Variants in WDR7 observed in about 807,000 individuals in gnomAD.
WDR7 encodes WD repeat domain 7.
A neutral mutation model predicts 169.4 loss-of-function variants in WDR7; 46 were observed. The ratio of observed to expected loss-of-function variants is 0.27; its 90% confidence interval spans 0.21 to 0.35. The LOEUF is 0.35. WDR7 is among the 10% of genes least tolerant of loss of function. WDR7 has a pLI of 1.00. For missense variants in WDR7, 1,534 were observed against 1,859.3 expected (o/e 0.83, Z 3.22); for synonymous variants, 612 against 666.8 (o/e 0.92, Z 1.27).
intron 27 of WDR7, among the ~76,000 whole-genome samples, chr18:57,022,921 T>C (rs722092): frequency 0.64 from 97,733 of 152,174 alleles, 31,714 homozygotes; most frequent in East Asian, 0.82. Flanking sequence ...GGGGCTGCAG[T>C]ACATGTCCTT....
chr18:56,677,692 T>C (rs1281443833), intron 2 of WDR7, among the ~76,000 whole-genome samples: 4 of 152,186 alleles, frequency 2.6e-5, no homozygotes, highest in Non-Finnish European at 5.9e-5. Context: ...TTTAGGATTC[T>C]TTCTTAATCC....
At chr18:56,803,307 A>G (rs1300511595) in intron 19 of WDR7, among the ~76,000 whole-genome samples, 1 of 152,162 alleles carries the variant, frequency 6.6e-6, no homozygotes, top group Non-Finnish European at 1.5e-5. Flanking sequence ...CAATATTAAA[A>G]CCAGATTCTT....
intron 20 of WDR7, among the ~76,000 whole-genome samples, chr18:56,871,425 G>C (rs986746918): frequency 2.6e-5 from 4 of 151,944 alleles, no homozygotes; most frequent in Non-Finnish European, 4.4e-5. Flanking sequence ...TGTTTTTCTA[G>C]TCATTTATGT....
intron 26 of WDR7, among the ~76,000 whole-genome samples, chr18:57,017,442 G>GTA (rs2048223243): frequency 7.4e-6 from 1 of 134,926 alleles, no homozygotes; most frequent in African/African-American, 2.7e-5. Flanking sequence ...GTGTGTGTGT[G>GTA]TGCATGTGTG....
At chr18:56,827,334 A>T (rs1466653466) in intron 20 of WDR7, among the ~76,000 whole-genome samples, 6 of 152,208 alleles carry the variant, frequency 3.9e-5, no homozygotes, top group Admixed American at 6.6e-5. Context: ...TGTGGGACAT[A>T]ATCACAATGG....
At chr18:56,809,539 A>G (rs2044833304) in intron 19 of WDR7, among the ~76,000 whole-genome samples, 1 of 152,190 alleles carries the variant, frequency 6.6e-6, no homozygotes, top group Non-Finnish European at 1.5e-5. Context: ...AATATTTATA[A>G]CTTTGATATA....
At chr18:56,744,069 C>G (rs2043662422) in intron 14 of WDR7, among the ~76,000 whole-genome samples, 1 of 151,880 alleles carries the variant, frequency 6.6e-6, no homozygotes, top group South Asian at 2.1e-4. Context: ...GAAACCCCGT[C>G]TCTACTAAAA....
intron 2 of WDR7, among the ~76,000 whole-genome samples, chr18:56,675,256 T>C (rs2025219498): frequency 6.6e-6 from 1 of 152,154 alleles, no homozygotes; most frequent in Non-Finnish European, 1.5e-5. Context: ...AAGAAGTCAG[T>C]TGGAGCTTTA....
chr18:56,742,395 A>G (rs912192679), intron 14 of WDR7, among the ~76,000 whole-genome samples: 6 of 152,218 alleles, frequency 3.9e-5, no homozygotes, highest in Non-Finnish European at 7.3e-5. Context: ...TTATGGCAAA[A>G]TGCTAATAAT....
At chr18:56,696,805 T>C (rs1422618232) in intron 12 of WDR7, among the ~76,000 whole-genome samples, 1 of 152,196 alleles carries the variant, frequency 6.6e-6, no homozygotes, top group African/African-American at 2.4e-5. Context: ...CATTGTACAA[T>C]CTCATTATTT....
rs2048402203 is a variant in WDR7, at chr18:57,028,598, G to T, written c.*1391G>T. The T allele has an allele frequency of 6.6e-6, 1 of 152,154 alleles. No homozygotes were observed. Among genetic ancestry groups the T allele is most frequent in the Admixed American group, 6.5e-5 (1 of 15,278 alleles). 9.4% of individuals were successfully genotyped at this position (152,154 alleles called of 1,614,324 possible). A position where few individuals can be genotyped will look rare whatever the true frequency, so the allele number is the denominator to read the frequency against. On this transcript the variant is annotated 3_prime_UTR_variant, in exon 28 of 28. Coordinates refer to ENST00000254442, the MANE Select transcript of WDR7 (RefSeq NM_015285.3). ...AGAGAAAATATGTGAAGTTTACAAA[G>T]GAACCAAAATGATAATGGGAGAATT...
At chr18:56,739,785 AT>A (rs2043587033) in intron 14 of WDR7, among the ~76,000 whole-genome samples, 1 of 149,598 alleles carries the variant, frequency 6.7e-6, no homozygotes, top group African/African-American at 2.5e-5. Context: ...TATCATTCTT[AT>A]TGTTATTCCT....
In WDR7 at chr18:56,784,456, T is replaced by C. The variant is rs2044364211; in HGVS notation, c.3190+2800T>C. On this transcript the variant is annotated intron_variant, in intron 19 of 27. Transcript: ENST00000254442. Reference sequence around the variant, plus strand: ...CCACCCTTCCCCTTCTGAGTCTCCATAATCCATTATATCACTCTGTGTGAC... The same window carrying C: ...CCACCCTTCCCCTTCTGAGTCTCCACAATCCATTATATCACTCTGTGTGAC... Among the ~76,000 whole-genome samples, 3 of 152,164 alleles carry C rather than the reference T, an allele frequency of 2.0e-5. No homozygotes were observed. In the South Asian group the frequency reaches 6.2e-4, roughly 32 times the overall value.
chr18:56,949,523 G>A (rs1397096325), intron 25 of WDR7, among the ~76,000 whole-genome samples: 1 of 152,176 alleles, frequency 6.6e-6, no homozygotes, highest in Non-Finnish European at 1.5e-5. Context: ...GTTTTGGTTG[G>A]AATATATGGT....
intron 13 of WDR7, among the ~76,000 whole-genome samples, chr18:56,728,893 G>T (rs112301668): frequency 0.014 from 2,126 of 152,196 alleles, 41 homozygotes; most frequent in African/African-American, 0.047. Context: ...CTCAGCCTCT[G>T]ACATATTGCT....
intron 22 of WDR7, among the ~76,000 whole-genome samples, chr18:56,932,025 A>G (rs772697090): frequency 2.0e-5 from 3 of 152,148 alleles, no homozygotes; most frequent in Non-Finnish European, 4.4e-5. Flanking sequence ...ACCAGGAAAT[A>G]AAGTTGGTGC....
chr18:56,774,678 A>G (rs2044214202), intron 16 of WDR7, among the ~76,000 whole-genome samples: 1 of 152,054 alleles, frequency 6.6e-6, no homozygotes, highest in Admixed American at 6.6e-5. Flanking sequence ...TCTTATGTAG[A>G]TAGTTGTGAA....
At chr18:56,991,271 C>T (rs867114325) in intron 26 of WDR7, among the ~76,000 whole-genome samples, 46 of 151,992 alleles carry the variant, frequency 3.0e-4, no homozygotes, top group African/African-American at 9.9e-4. Context: ...CTCAGCCTCC[C>T]GAGTAGCTGG....
intron 1 of WDR7, among the ~76,000 whole-genome samples, chr18:56,668,969 TA>T (rs2025077809): frequency 6.6e-6 from 1 of 151,974 alleles, no homozygotes; most frequent in Non-Finnish European, 1.5e-5. Flanking sequence ...TTGCATTACA[TA>T]TATGGTCGCT....
Sources: gnomAD v4.1 joint callset for allele counts (sites outside exome capture counted in the v4.1 genomes callset) on GRCh38, gnomAD v4.1.1 for gene constraint, MANE v1.5 for transcripts, NCBI Gene and HGNC (gene_info 2026-07-23, HGNC 2026-07-21) for gene names.